The following KRT82 variants were observed in gnomAD, a reference collection of about 807,000 sequenced individuals.
The protein encoded by KRT82 is keratin, type II cuticular Hb2.
Under a neutral mutation model 48.0 loss-of-function variants are expected in KRT82, and 44 were observed. That is an observed-to-expected ratio of 0.92 (90% confidence interval 0.72 to 1.18). The LOEUF (loss-of-function observed/expected upper bound fraction) is 1.18. KRT82 is among the 50% of genes most tolerant of loss of function. KRT82 has a pLI of 0.00. For missense variants in KRT82, 701 were observed against 671.4 expected, an observed-to-expected ratio of 1.04 and a Z score of -0.49; for synonymous variants, 297 against 278.3, an observed-to-expected ratio of 1.07 and a Z score of -0.67.
At chr12:52,404,118 C>G (rs1188135990) in intron 1 of KRT82, among the ~76,000 whole-genome samples, 1 of 152,224 alleles carries the variant, frequency 6.6e-6, no homozygotes, top group Non-Finnish European at 1.5e-5. Context: ...TGGACCCCTA[C>G]TTTCCACTCA....
chr12:52,396,181 C>T lies in KRT82; in HGVS notation c.1120G>A (p.Ala374Thr), dbSNP rs1369546554. ...IAEAEQQGEA[A>T]LNDAKCKLAG... ...AGCTTGCACTTGGCATCATTGAGAG[C>T]CGCCTCGCCCTGCTGCTCTGCCTCA... is the stretch of plus-strand genomic sequence containing the variant. Residue 374 changes from alanine (A) to threonine (T), a missense_variant, in exon 7 of 9, where the codon GCT becomes ACT. Ala to Thr is a moderately conservative substitution (Grantham distance 58, BLOSUM62 0). Transcript: ENST00000257974. 1 of 1,614,148 alleles carries T rather than the reference C, an allele frequency of 6.2e-7. No individual in the cohort carries two copies. Among genetic ancestry groups the T allele is most frequent in the African/African-American group, 1.3e-5 (1 of 75,054 alleles).
At chr12:52,401,481 T>C in intron 2 of KRT82, 132 bp from the exon 3 acceptor site, 2 of 786,764 alleles carry the variant, frequency 2.5e-6, no homozygotes, top group Non-Finnish European at 2.1e-6. Flanking sequence ...GGTCCAGCCC[T>C]GTCTTGGCAA....
intron 4 of KRT82, among the ~76,000 whole-genome samples, 176 bp from the exon 5 acceptor site, chr12:52,400,325 G>A (rs1203536164): frequency 6.6e-6 from 1 of 152,226 alleles, no homozygotes; most frequent in African/African-American, 2.4e-5. Flanking sequence ...CCAGAGCTTG[G>A]TGGAGACTTT....
chr12:52,400,217 C>T, intron 4 of KRT82, 68 bp from the exon 5 acceptor site: 2 of 1,481,864 alleles, frequency 1.3e-6, no homozygotes, highest in South Asian at 2.5e-5. Context: ...AAGGGGAGAA[C>T]CCGTTCTGAC....
chr12:52,396,334 A>C, intron 6 of KRT82, 102 bp from the exon 7 acceptor site: 1 of 1,108,202 alleles, frequency 9.0e-7, no homozygotes, highest in Non-Finnish European at 1.3e-6. Context: ...TGCCAGGCTC[A>C]CATTTGCGAG....
chr12:52,396,860 A>G (rs765943963), intron 6 of KRT82, 23 bp downstream of exon 6: 2 of 1,612,796 alleles, frequency 1.2e-6, no homozygotes, highest in Non-Finnish European at 1.7e-6. Flanking sequence ...CTGTTGCAGC[A>G]AGGAAGTCCT....
intron 5 of KRT82, among the ~76,000 whole-genome samples, chr12:52,399,285 C>T (rs116813385): frequency 1.3e-3 from 203 of 152,314 alleles, no homozygotes; most frequent in African/African-American, 4.7e-3. Context: ...TACCCTGGAA[C>T]CCAGCTTGTC....
At chr12:52,400,947 C>G (rs1004510769) in intron 3 of KRT82, among the ~76,000 whole-genome samples, 2 of 152,212 alleles carry the variant, frequency 1.3e-5, no homozygotes, top group African/African-American at 2.4e-5. Context: ...GGGCTTGCGG[C>G]AGAGCTTTTG....
At position 52,403,753 on chromosome 12, in the gene KRT82, G is replaced by C. The variant is rs770492239; in HGVS notation, c.568C>G (p.Leu190Val). The C allele has an allele frequency of 3.1e-6, 5 of 1,613,214 alleles. No individual in the cohort carries two copies. The highest frequency in any genetic ancestry group is 3.4e-6 in the Non-Finnish European group (4 of 1,179,954). The change falls in exon 2 of 9, where the codon CTA becomes GTA. Residue 190 changes from leucine (L) to valine (V), a missense_variant. Transcript: ENST00000257974. ...LDCVSGDRVR[L>V]ESELCSLQAA... ...TGGAGGCTGCAGAGCTCTGACTCTA[G>C]CCTCACGCGGTCCCCGGACACACAG...
At chr12:52,403,676 T>G in intron 2 of KRT82, 25 bp downstream of exon 2, 1 of 1,398,390 alleles carries the variant, frequency 7.2e-7, no homozygotes, top group Non-Finnish European at 1.0e-6. Context: ...GGTCCACCAG[T>G]GGGGTAAAAG....
At chr12:52,397,519 A>G (rs1359992840) in intron 5 of KRT82, among the ~76,000 whole-genome samples, 1 of 152,254 alleles carries the variant, frequency 6.6e-6, no homozygotes, top group Non-Finnish European at 1.5e-5. Flanking sequence ...ACACTTTTTT[A>G]TAAAAACCTT....
At chr12:52,395,247 G>A (rs746345262) in intron 8 of KRT82, 52 bp from the exon 9 acceptor site, 2 of 1,477,632 alleles carry the variant, frequency 1.4e-6, no homozygotes, top group East Asian at 2.3e-5. Context: ...GGCTCTCAGT[G>A]TACTGCCCTG....
chr12:52,395,613 C>A, intron 8 of KRT82, 146 bp downstream of exon 8: 1 of 631,082 alleles, frequency 1.6e-6, no homozygotes, highest in Non-Finnish European at 2.8e-6. Context: ...CCCTTTCCAC[C>A]AGCCTGGGAG....
intron 5 of KRT82, 40 bp downstream of exon 5, chr12:52,399,945 C>A: frequency 6.3e-7 from 1 of 1,595,586 alleles, no homozygotes; most frequent in Non-Finnish European, 8.6e-7. Context: ...CCTGGTTTGT[C>A]ACCTCTCCAG....
intron 8 of KRT82, 79 bp downstream of exon 8, chr12:52,395,680 G>A: frequency 2.8e-6 from 3 of 1,056,904 alleles, no homozygotes; most frequent in Non-Finnish European, 4.2e-6. Context: ...GGTCTAGGAA[G>A]GGGTGGTGTG....
At chr12:52,398,702 A>T (rs979108153) in intron 5 of KRT82, among the ~76,000 whole-genome samples, 3 of 151,840 alleles carry the variant, frequency 2.0e-5, no homozygotes, top group Non-Finnish European at 4.4e-5. Context: ...CCAGGAGCTG[A>T]CTCCATTTCA....
chr12:52,397,993 G>A (rs1422611793), intron 5 of KRT82, among the ~76,000 whole-genome samples: 1 of 152,212 alleles, frequency 6.6e-6, no homozygotes, highest in Non-Finnish European at 1.5e-5. Context: ...GTTGCAGTGA[G>A]GCGAGATTGC....
intron 5 of KRT82, among the ~76,000 whole-genome samples, chr12:52,398,834 G>A (rs1939749158): frequency 6.6e-6 from 1 of 152,138 alleles, no homozygotes; most frequent in Non-Finnish European, 1.5e-5. Context: ...GCACAGCCCT[G>A]CAGATGCTGT....
intron 6 of KRT82, 150 bp downstream of exon 6, chr12:52,396,733 A>G: frequency 4.7e-6 from 4 of 843,908 alleles, no homozygotes; most frequent in Non-Finnish European, 7.2e-6. Context: ...CCTTTGGTAG[A>G]AAGGGCTTGC....
Sources: gnomAD v4.1 joint callset for allele counts (sites outside exome capture counted in the v4.1 genomes callset) on GRCh38, gnomAD v4.1.1 for gene constraint, MANE v1.5 for transcripts, NCBI Gene and HGNC (gene_info 2026-07-23, HGNC 2026-07-21) for gene names.